BTG4: variants seen among roughly 807,000 people sequenced by gnomAD.
BTG4 encodes the protein protein BTG4.
A neutral mutation model predicts 19.3 loss-of-function variants in BTG4; 10 were observed. The ratio of observed to expected loss-of-function variants is 0.52; its 90% CI spans 0.32 to 0.88. The LOEUF is 0.88. Ranked by LOEUF, BTG4 falls within the 40% of genes least tolerant of loss-of-function variation. The pLI, the probability that BTG4 is intolerant of heterozygous loss-of-function variation, is 0.04. For missense variants in BTG4, 238 were observed against 281.9 expected (o/e 0.84, Z 1.11); for synonymous variants, 91 against 95.7 (o/e 0.95, Z 0.29).
the BTG4 span, among the ~76,000 whole-genome samples, chr11:111,384,316 T>A: frequency 1.0e-4 from 15 of 146,806 alleles, no homozygotes; most frequent in Non-Finnish European, 1.7e-4. Context: ...TTCCTAAAAT[T>A]AAAAAAAAAA....
At chr11:111,467,696 A>G in intron 5 of BTG4, 1 of 752,788 alleles carries the variant, frequency 1.3e-6, no homozygotes, top group Non-Finnish European at 2.4e-6. Context: ...GGTCCAGTAT[A>G]GATAAATGAA....
chr11:111,408,309 C>T, the BTG4 span, among the ~76,000 whole-genome samples: 4,390 of 152,308 alleles, frequency 0.029, 96 homozygotes, highest in Middle Eastern at 0.13. Flanking sequence ...ATTACTACAA[C>T]CTGCTTAGAG....
At chr11:111,384,988 G>A in the BTG4 span, 135 of 151,954 alleles carry the variant, frequency 8.9e-4, 2 homozygotes, top group Admixed American at 3.2e-3. Context: ...AATCAATAGG[G>A]ACAAATAAAC....
At chr11:111,401,781 T>C in the BTG4 span, among the ~76,000 whole-genome samples, 1 of 152,172 alleles carries the variant, frequency 6.6e-6, no homozygotes, top group African/African-American at 2.4e-5. Flanking sequence ...AATTAGACTA[T>C]AATCTCTGTG....
intron 2 of BTG4, 38 bp downstream of exon 2, chr11:111,498,566 G>T: frequency 1.3e-6 from 2 of 1,562,394 alleles, no homozygotes; most frequent in South Asian, 2.4e-5. Flanking sequence ...GTTGCTTGGT[G>T]ATTGCTTCCC....
chr11:111,431,390 G>A, the BTG4 span, among the ~76,000 whole-genome samples: 2 of 152,072 alleles, frequency 1.3e-5, no homozygotes, highest in Admixed American at 6.5e-5. Context: ...CATTATTACC[G>A]CTTCATAGAT....
chr11:111,385,059 C>A, the BTG4 span: 1 of 151,860 alleles, frequency 6.6e-6, no homozygotes, highest in African/African-American at 2.4e-5. Flanking sequence ...GAGGCAACTG[C>A]CACTTTTGTT....
intron 5 of BTG4, among the ~76,000 whole-genome samples, chr11:111,472,891 G>A (rs1325341966): frequency 1.3e-5 from 2 of 152,112 alleles, no homozygotes; most frequent in Admixed American, 6.5e-5. Flanking sequence ...GCAATATACT[G>A]AAACCACAAT....
the BTG4 span, among the ~76,000 whole-genome samples, chr11:111,393,756 G>A: frequency 6.6e-6 from 1 of 152,158 alleles, no homozygotes; most frequent in Non-Finnish European, 1.5e-5. Context: ...TATGCTGATT[G>A]AACTCTGGGA....
chr11:111,424,764 C>T, the BTG4 span, among the ~76,000 whole-genome samples: 1 of 152,144 alleles, frequency 6.6e-6, no homozygotes, highest in African/African-American at 2.4e-5. Flanking sequence ...TCGAGACCAG[C>T]CTGACCAATA....
At chr11:111,472,839 T>C (rs1000572444) in intron 5 of BTG4, among the ~76,000 whole-genome samples, 4 of 152,196 alleles carry the variant, frequency 2.6e-5, no homozygotes, top group Admixed American at 6.5e-5. Context: ...TTGAGATGTA[T>C]TTACTGTGTT....
chr11:111,419,978 A>T, the BTG4 span, among the ~76,000 whole-genome samples: 1 of 152,208 alleles, frequency 6.6e-6, no homozygotes, highest in African/African-American at 2.4e-5. Flanking sequence ...CCAAGACAGG[A>T]GGGAGGTGTT....
At chr11:111,514,610 C>A, upstream of BTG4, 1 of 608,138 alleles carries the variant, frequency 1.6e-6, no homozygotes. Context: ...AAAACCTGAT[C>A]ACCGCAGGGG....
chr11:111,387,806 A>C, the BTG4 span, among the ~76,000 whole-genome samples: 11 of 152,214 alleles, frequency 7.2e-5, no homozygotes, highest in Admixed American at 7.2e-4. Context: ...CTTGGGGGAA[A>C]AATAGTCTTT....
the BTG4 span, among the ~76,000 whole-genome samples, chr11:111,432,697 A>C: frequency 1.3e-5 from 2 of 152,134 alleles, no homozygotes; most frequent in Non-Finnish European, 2.9e-5. Flanking sequence ...AGGTCAAATA[A>C]AGTTTTGTTC....
At chr11:111,478,795 C>T (rs1409753081) in intron 5 of BTG4, among the ~76,000 whole-genome samples, 1 of 151,598 alleles carries the variant, frequency 6.6e-6, no homozygotes, top group African/African-American at 2.4e-5. Context: ...TTAGATAGAA[C>T]AATCAAAAAT....
the BTG4 span, among the ~76,000 whole-genome samples, chr11:111,430,881 A>C: frequency 2.0e-5 from 3 of 152,202 alleles, no homozygotes; most frequent in Admixed American, 1.3e-4. Context: ...TTTTCACATC[A>C]CAATGCAACC....
the BTG4 span, among the ~76,000 whole-genome samples, chr11:111,448,200 G>A: frequency 6.6e-6 from 1 of 152,212 alleles, no homozygotes; most frequent in African/African-American, 2.4e-5. Flanking sequence ...TGCAAAAGAA[G>A]AGCGAGACCC....
the BTG4 span, among the ~76,000 whole-genome samples, chr11:111,441,095 G>A: frequency 6.6e-6 from 1 of 150,496 alleles, no homozygotes; most frequent in African/African-American, 2.4e-5. Flanking sequence ...ACAGGCCAGG[G>A]CCAGAGACCG....
Sources: gnomAD v4.1 joint callset for allele counts (sites outside exome capture counted in the v4.1 genomes callset) on GRCh38, gnomAD v4.1.1 for gene constraint, MANE v1.5 for transcripts, NCBI Gene and HGNC (gene_info 2026-07-23, HGNC 2026-07-21) for gene names.